Variants in TMEM132C observed in about 807,000 individuals in gnomAD.
TMEM132C encodes the protein transmembrane protein 132C.
A neutral mutation model predicts 61.4 loss-of-function variants in TMEM132C; 29 were observed. The ratio of observed to expected loss-of-function variants is 0.47; its 90% CI spans 0.35 to 0.64. The LOEUF (loss-of-function observed/expected upper bound fraction) is 0.64, where lower values mean the gene tolerates loss of function less well. Among genes scored for constraint, TMEM132C ranks in the 30% least tolerant of loss-of-function variants. The pLI is 0.00. For missense variants in TMEM132C, 1,408 were observed against 1,476.9 expected (o/e 0.95, Z 0.76); for synonymous variants, 656 against 633.1 (o/e 1.04, Z -0.54).
chr12:128,332,765 C>G (rs1872694679), intron 1 of TMEM132C, among the ~76,000 whole-genome samples: 1 of 152,206 alleles, frequency 6.6e-6, no homozygotes, highest in South Asian at 2.1e-4. Flanking sequence ...CCTGGCTCTC[C>G]CTTCTTTTCC....
At chr12:128,584,047 G>A (rs1487287537) in intron 3 of TMEM132C, among the ~76,000 whole-genome samples, 1 of 152,232 alleles carries the variant, frequency 6.6e-6, no homozygotes, top group Non-Finnish European at 1.5e-5. Context: ...TTTGTAGCAG[G>A]ATGAAGACAG....
At chr12:128,267,764 G>A (rs1038317066) in intron 1 of TMEM132C, among the ~76,000 whole-genome samples, 4 of 152,214 alleles carry the variant, frequency 2.6e-5, no homozygotes, top group Non-Finnish European at 2.9e-5. Context: ...TGAGGAGGGG[G>A]CGTGGCTGAG....
intron 4 of TMEM132C, among the ~76,000 whole-genome samples, chr12:128,639,458 T>C (rs1954139021): frequency 6.6e-6 from 1 of 152,130 alleles, no homozygotes; most frequent in Non-Finnish European, 1.5e-5. Flanking sequence ...ATCATGGTCA[T>C]GGTCATGGTA....
Position 128,425,310 on chromosome 12 carries a change from G to A in TMEM132C, c.974+9690G>A, listed in dbSNP as rs1949451. ...CCTTGGCGCTCATCTGGGAGGGGCC[G>A]TAGTGAATGGCACTCACACATGTGC... On this transcript the variant is annotated intron_variant, in intron 2 of 8. Transcript: ENST00000435159. 2.4e-3 allele frequency among the ~76,000 whole-genome samples: 368 copies of A among 152,340 alleles called. 2 individuals carry two copies. The highest frequency in any genetic ancestry group is 5.1e-3 in the Admixed American group (78 of 15,310).
At chr12:128,493,603 T>C (rs148715152) in intron 2 of TMEM132C, among the ~76,000 whole-genome samples, 3,433 of 152,310 alleles carry the variant, frequency 0.023, 133 homozygotes, top group African/African-American at 0.077. Flanking sequence ...TTTTATTCTC[T>C]TTGAAGCAAT....
chr12:128,365,546 A>G (rs1873839601), intron 1 of TMEM132C, among the ~76,000 whole-genome samples: 1 of 152,126 alleles, frequency 6.6e-6, no homozygotes, highest in African/African-American at 2.4e-5. Context: ...TTCCCGACCA[A>G]ATTCACATTT....
chr12:128,333,159 TTG>T (rs1051573865), intron 1 of TMEM132C, among the ~76,000 whole-genome samples: 12 of 151,306 alleles, frequency 7.9e-5, no homozygotes, highest in Admixed American at 4.6e-4. Flanking sequence ...TGTATGTGTG[TTG>T]TGTGTGTGTT....
intron 2 of TMEM132C, among the ~76,000 whole-genome samples, chr12:128,473,326 A>ATCCTCACGCCAGCCTCTT (rs1235337219): frequency 6.9e-6 from 1 of 145,804 alleles, no homozygotes; most frequent in African/African-American, 2.8e-5. Context: ...CTCTATCTTC[A>ATCCTCACGCCAGCCTCTT]TCTTCAGTCC....
chr12:128,319,594 G>A (rs1164866685), intron 1 of TMEM132C, among the ~76,000 whole-genome samples: 7 of 152,036 alleles, frequency 4.6e-5, no homozygotes, highest in African/African-American at 9.7e-5. Context: ...TTGGGAGGCC[G>A]AGATGGGCGG....
chr12:128,336,354 C>T (rs953628681), intron 1 of TMEM132C, among the ~76,000 whole-genome samples: 3 of 152,268 alleles, frequency 2.0e-5, no homozygotes, highest in Admixed American at 2.0e-4. Context: ...AGAATTTTCT[C>T]TGTGCAATCT....
intron 2 of TMEM132C, among the ~76,000 whole-genome samples, chr12:128,436,720 T>C (rs1416277016): frequency 6.6e-6 from 1 of 152,230 alleles, no homozygotes; most frequent in Non-Finnish European, 1.5e-5. Flanking sequence ...AGTTCAATCA[T>C]TGTGGTAGAC....
chr12:128,402,266 A>G (rs1157707340), intron 1 of TMEM132C, among the ~76,000 whole-genome samples: 1 of 152,114 alleles, frequency 6.6e-6, no homozygotes, highest in Non-Finnish European at 1.5e-5. Context: ...TCATGGGTAT[A>G]TGTGAGGGAT....
intron 1 of TMEM132C, among the ~76,000 whole-genome samples, chr12:128,384,145 C>T (rs1593033589): frequency 1.3e-5 from 2 of 152,336 alleles, no homozygotes; most frequent in Middle Eastern, 3.4e-3. Context: ...GGCAACCCGT[C>T]GTCAATCATT....
At chr12:128,475,765 G>A (rs1011157689) in intron 2 of TMEM132C, among the ~76,000 whole-genome samples, 2 of 152,080 alleles carry the variant, frequency 1.3e-5, no homozygotes, top group Non-Finnish European at 2.9e-5. Context: ...CGGCAACACT[G>A]GCGTCAGGGT....
intron 2 of TMEM132C, among the ~76,000 whole-genome samples, chr12:128,452,626 C>T (rs1870215076): frequency 1.3e-5 from 2 of 151,458 alleles, no homozygotes; most frequent in Admixed American, 6.6e-5. Context: ...ATCGCTTGAA[C>T]CCGGGAGGCA....
chr12:128,559,010 C>A (rs746536726), intron 3 of TMEM132C, among the ~76,000 whole-genome samples: 1 of 152,238 alleles, frequency 6.6e-6, no homozygotes. Flanking sequence ...CTACTTCTGC[C>A]TCCAGCCACC....
intron 1 of TMEM132C, among the ~76,000 whole-genome samples, chr12:128,286,850 G>A (rs1466772871): frequency 1.3e-5 from 2 of 152,270 alleles, no homozygotes; most frequent in African/African-American, 4.8e-5. Context: ...GGGAGTGCCG[G>A]GCACGTGAGA....
intron 4 of TMEM132C, among the ~76,000 whole-genome samples, chr12:128,637,983 A>T (rs140725353): frequency 6.6e-6 from 1 of 152,360 alleles, no homozygotes; most frequent in African/African-American, 2.4e-5. Context: ...ATTTATGCAT[A>T]GAGAGACACC....
At position 128,416,867 on chromosome 12, in the gene TMEM132C, C is replaced by T. The variant is rs144208488; in HGVS notation, c.974+1247C>T. The stretch of plus-strand genomic sequence containing the variant: ...TACGCTTGGAGGACTGCTATGACAC[C>T]CCTTTCAGCGACGTCATGAACTCTT... On this transcript the variant is annotated intron_variant, in intron 2 of 8. Transcript: ENST00000435159. Among the ~76,000 whole-genome samples the T allele has an allele frequency of 4.7e-3, 722 of 152,192 alleles. 3 individuals are homozygous for T. Among genetic ancestry groups the T allele is most frequent in the African/African-American group, 0.016 (669 of 41,516 alleles).
Sources: gnomAD v4.1 joint callset for allele counts (sites outside exome capture counted in the v4.1 genomes callset) on GRCh38, gnomAD v4.1.1 for gene constraint, MANE v1.5 for transcripts, NCBI Gene and HGNC (gene_info 2026-07-23, HGNC 2026-07-21) for gene names.